Variants in SEC14L1 observed in about 807,000 individuals in gnomAD.
SEC14L1 encodes SEC14-like protein 1.
A neutral mutation model predicts 85.3 loss-of-function variants in SEC14L1; 48 were observed. That is an observed-to-expected ratio of 0.56 (90% CI 0.45 to 0.72). The LOEUF is 0.72. Among genes scored for constraint, SEC14L1 ranks in the 30% least tolerant of loss-of-function variants. The probability of loss-of-function intolerance (pLI) is 0.00; values close to 1 mark genes in which losing one functional copy is unlikely to be tolerated. For synonymous variants in SEC14L1, 391 were observed against 355.5 expected, an observed-to-expected ratio of 1.10 and a Z score of -1.12; for missense variants, 682 against 921.4, an observed-to-expected ratio of 0.74 and a Z score of 3.36.
rs1975640127 is a variant in SEC14L1, at chr17:77,193,403, C to A, written c.346-18C>A. The A allele has an allele frequency of 6.3e-7, 1 of 1,584,132 alleles. No homozygotes were observed. Among genetic ancestry groups the A allele is most frequent in the South Asian group, 1.1e-5 (1 of 87,174 alleles). On this transcript the variant is annotated intron_variant, in intron 5 of 16. Transcript: ENST00000436233. ...GTTGTCAATTCAGTCAGTGAGAGTGCTTTCTCTTTATCTGCAGGTTCACCC... is the reference window on the plus strand; with the variant it reads ...GTTGTCAATTCAGTCAGTGAGAGTGATTTCTCTTTATCTGCAGGTTCACCC...
intron 7 of SEC14L1, among the ~76,000 whole-genome samples, chr17:77,195,298 A>T (rs1598380510): frequency 6.7e-6 from 1 of 149,908 alleles, no homozygotes; most frequent in Non-Finnish European, 1.5e-5. Context: ...ACCTGGCCTA[A>T]GGAAGGTGTT....
chr17:77,095,377 A>C (rs1971617496), intron 3 of SEC14L1, among the ~76,000 whole-genome samples: 1 of 152,210 alleles, frequency 6.6e-6, no homozygotes, highest in African/African-American at 2.4e-5. Flanking sequence ...GTCCCAAGGC[A>C]GTGACAGAAG....
rs1179534593 is a variant in SEC14L1 at position 77,194,279 on chromosome 17, G to A, written c.475-398G>A. Among the ~76,000 whole-genome samples, 3 of 152,142 alleles carry A rather than the reference G, an allele frequency of 2.0e-5. No individual in the cohort carries two copies. In the East Asian group the frequency reaches 5.8e-4, roughly 29 times the overall value. The stretch of plus-strand genomic sequence containing the variant: ...GTTTTAAAAGCTTGTGAGGGACTGG[G>A]CGCACTGGCTCATGCCTGTAATCCC... On this transcript the variant is annotated intron_variant, in intron 6 of 16. Transcript: ENST00000436233.
chr17:77,155,634 C>T (rs936632562), intron 3 of SEC14L1, among the ~76,000 whole-genome samples: 5 of 152,224 alleles, frequency 3.3e-5, no homozygotes, highest in African/African-American at 1.2e-4. Flanking sequence ...CTCTTCTGCT[C>T]GTCCTTGGGG....
chr17:77,117,988 C>G (rs550375995), intron 3 of SEC14L1, among the ~76,000 whole-genome samples: 3 of 152,264 alleles, frequency 2.0e-5, no homozygotes, highest in African/African-American at 7.2e-5. Flanking sequence ...AAGGCTTGGA[C>G]GCCAAACAGC....
At chr17:77,153,860 C>T (rs537865720) in intron 3 of SEC14L1, among the ~76,000 whole-genome samples, 77 of 152,288 alleles carry the variant, frequency 5.1e-4, no homozygotes, top group Middle Eastern at 3.4e-3. Flanking sequence ...ATCCATCTCT[C>T]TTGATTTTTG....
chr17:77,193,409 C>A lies in SEC14L1; in HGVS notation c.346-12C>A, dbSNP rs1399825071. Reference sequence around the variant, plus strand: ...AATTCAGTCAGTGAGAGTGCTTTCTCTTTATCTGCAGGTTCACCCTGAAAA... The same window carrying A: ...AATTCAGTCAGTGAGAGTGCTTTCTATTTATCTGCAGGTTCACCCTGAAAA... On this transcript the variant is annotated splice_polypyrimidine_tract_variant and intron_variant, in intron 5 of 16. Coordinates refer to ENST00000436233, the MANE Select transcript of SEC14L1 (RefSeq NM_001143998.2). 6.3e-7 allele frequency: 1 copy of A among 1,590,768 alleles called. No homozygotes were observed. Among genetic ancestry groups the A allele is most frequent in the Admixed American group, 1.7e-5 (1 of 58,804 alleles).
intron 3 of SEC14L1, among the ~76,000 whole-genome samples, chr17:77,190,026 G>T (rs1975451807): frequency 6.6e-6 from 1 of 152,128 alleles, no homozygotes; most frequent in African/African-American, 2.4e-5. Flanking sequence ...TCACATCTAA[G>T]AATTCTTTGC....
At chr17:77,115,433 A>ATAAAT (rs1567875023) in intron 3 of SEC14L1, among the ~76,000 whole-genome samples, 1 of 151,942 alleles carries the variant, frequency 6.6e-6, no homozygotes, top group Non-Finnish European at 1.5e-5. Context: ...CCATCTCAAA[A>ATAAAT]AAATAAATAA....
intron 8 of SEC14L1, among the ~76,000 whole-genome samples, chr17:77,196,588 C>T (rs1209733257): frequency 6.6e-6 from 1 of 152,192 alleles, no homozygotes; most frequent in Non-Finnish European, 1.5e-5. Context: ...AGTATTCACA[C>T]ATTCAAATTT....
At chr17:77,140,166 C>G (rs1972933464), upstream of SEC14L1, among the ~76,000 whole-genome samples, 1 of 152,196 alleles carries the variant, frequency 6.6e-6, no homozygotes, top group African/African-American at 2.4e-5. Flanking sequence ...CTCAGTGGTA[C>G]CGGATTGAAA....
intron 3 of SEC14L1, among the ~76,000 whole-genome samples, chr17:77,115,433 AAAAT>A (rs934276955): frequency 1.3e-5 from 2 of 151,942 alleles, no homozygotes; most frequent in East Asian, 1.9e-4. Context: ...CCATCTCAAA[AAAAT>A]AAATAAATAA....
intron 3 of SEC14L1, among the ~76,000 whole-genome samples, chr17:77,161,595 C>T (rs903588401): frequency 2.0e-5 from 3 of 152,068 alleles, no homozygotes; most frequent in Non-Finnish European, 2.9e-5. Context: ...TTCAAGGACA[C>T]GTTTCTCTTT....
At chr17:77,177,509 A>G (rs1427205083) in intron 3 of SEC14L1, among the ~76,000 whole-genome samples, 1 of 151,860 alleles carries the variant, frequency 6.6e-6, no homozygotes, top group Non-Finnish European at 1.5e-5. Context: ...GAATACATTA[A>G]AAGTACTTTA....
Position 77,206,660 on chromosome 17 carries a change from T to C in SEC14L1, c.1342-68T>C. 11 of 1,453,876 alleles carry C rather than the reference T, an allele frequency of 7.6e-6. No homozygotes were observed. Among genetic ancestry groups the C allele is most frequent in the Non-Finnish European group, 1.0e-5 (11 of 1,062,366 alleles). The allele number at this position is 1,453,876 out of a possible 1,614,324, so 90.1% of individuals were successfully genotyped here. A position where few individuals can be genotyped will look rare whatever the true frequency, so the allele number is the denominator to read the frequency against. On this transcript the variant is annotated intron_variant, in intron 12 of 16. Transcript: ENST00000436233. The surrounding 1 kb of genome is among the most constrained non-coding windows in gnomAD (Gnocchi z 4.3). ...CCACCCTCCCACTCAGAATACCACA[T>C]TGTCATTTTAATCTTGGACACTCAG...
intron 9 of SEC14L1, among the ~76,000 whole-genome samples, chr17:77,201,161 A>G (rs1307750870): frequency 6.6e-6 from 1 of 152,148 alleles, no homozygotes; most frequent in Non-Finnish European, 1.5e-5. Context: ...ATGCACCTGA[A>G]ATGAAGAGTG....
At chr17:77,155,637 C>T (rs763201482) in intron 3 of SEC14L1, among the ~76,000 whole-genome samples, 4 of 152,350 alleles carry the variant, frequency 2.6e-5, no homozygotes, top group Middle Eastern at 3.4e-3. Flanking sequence ...TTCTGCTCGT[C>T]CTTGGGGCTG....
At chr17:77,107,121 G>A (rs1052561460) in intron 3 of SEC14L1, among the ~76,000 whole-genome samples, 2 of 152,196 alleles carry the variant, frequency 1.3e-5, no homozygotes, top group Non-Finnish European at 2.9e-5. Context: ...TCTGGGGCAG[G>A]GGAGAATCTA....
intron 10 of SEC14L1, among the ~76,000 whole-genome samples, chr17:77,204,004 G>A (rs937076765): frequency 1.3e-5 from 2 of 151,920 alleles, no homozygotes; most frequent in Admixed American, 6.6e-5. Flanking sequence ...CTTCGTTAAC[G>A]CGAGCTCTTG....
Sources: allele counts gnomAD v4.1 joint callset (sites outside exome capture counted in the v4.1 genomes callset), GRCh38; gene constraint gnomAD v4.1.1; non-coding constraint Gnocchi (gnomAD v3.1); transcripts MANE v1.5; gene names NCBI Gene and HGNC (gene_info 2026-07-23, HGNC 2026-07-21).